SEPTIN1: variants seen among roughly 807,000 people sequenced by gnomAD.
The protein encoded by SEPTIN1 is septin-1.
A neutral mutation model predicts 50.7 loss-of-function variants in SEPTIN1; 52 were observed. The ratio of observed to expected loss-of-function variants is 1.03; its 90% CI spans 0.82 to 1.29. The LOEUF (loss-of-function observed/expected upper bound fraction) is 1.29. SEPTIN1 is among the 50% of genes most tolerant of loss of function. The pLI is 0.00. For missense variants in SEPTIN1, 455 were observed against 490.7 expected (o/e 0.93, Z 0.69); for synonymous variants, 204 against 189.1 (o/e 1.08, Z -0.65).
chr16:30,379,016 A>T lies in SEPTIN1; in HGVS notation c.941+2T>A. 1 of 1,612,434 alleles carries T rather than the reference A, an allele frequency of 6.2e-7. No homozygotes were observed. The highest frequency in any genetic ancestry group is 8.5e-7 in the Non-Finnish European group (1 of 1,179,534). ...TCTGATACTGTCCGCCCCGGGTCTC[A>T]CCTGCGGCTGGCTCGATCGCGAGCC... On this transcript the variant is annotated splice_donor_variant, in intron 9 of 10. Transcript: ENST00000321367. LOFTEE classifies it high-confidence loss of function.
chr16:30,379,609 C>T, intron 7 of SEPTIN1, 75 bp from the exon 8 acceptor site: 3 of 953,602 alleles, frequency 3.1e-6, no homozygotes, highest in South Asian at 1.3e-5. Context: ...TCAATCTCCA[C>T]ACCCGCCTCC....
At chr16:30,379,634 C>A in intron 7 of SEPTIN1, 100 bp from the exon 8 acceptor site, 1 of 510,110 alleles carries the variant, frequency 2.0e-6, no homozygotes, top group Non-Finnish European at 3.3e-6. Flanking sequence ...CTTCCTGCCC[C>A]TTCCTCTTTT....
chr16:30,378,401 C>A lies in SEPTIN1; in HGVS notation c.*33G>T. On this transcript the variant is annotated 3_prime_UTR_variant, in exon 11 of 11. Coordinates refer to ENST00000321367, the MANE Select transcript of SEPTIN1 (RefSeq NM_001365977.2). ...GATTGGACAAGAGGCCGACTGAAGG[C>A]GGAGCCGAGGTAAGGCCGGGCGGGG... The A allele has an allele frequency of 6.5e-7, 1 of 1,529,776 alleles. No individual in the cohort carries two copies. Among genetic ancestry groups the A allele is most frequent in the Non-Finnish European group, 8.7e-7 (1 of 1,148,186 alleles). The allele number at this position is 1,529,776 out of a possible 1,614,324, so 94.8% of individuals were successfully genotyped here. A position where few individuals can be genotyped will look rare whatever the true frequency, so the allele number is the denominator to read the frequency against.
intron 8 of SEPTIN1, 115 bp downstream of exon 8, chr16:30,379,320 T>A (rs1415311442): frequency 1.4e-6 from 2 of 1,432,972 alleles, no homozygotes; most frequent in Non-Finnish European, 1.9e-6. Context: ...GACCCCCCTT[T>A]CCTCCTAGGA....
upstream of SEPTIN1, chr16:30,382,662 G>A: frequency 6.5e-7 from 1 of 1,535,506 alleles, no homozygotes. The surrounding 1 kb of genome is among the most constrained non-coding windows in gnomAD (Gnocchi z 4.8). Context: ...CCAGAGAGGT[G>A]GGGAAGGCCA....
Position 30,381,825 on chromosome 16 carries a change from A to G in SEPTIN1, c.255T>C (p.Gly85=). 2 of 1,613,580 alleles carry G rather than the reference A, an allele frequency of 1.2e-6. No homozygotes were observed. Among genetic ancestry groups the G allele is most frequent in the Non-Finnish European group, 1.7e-6 (2 of 1,179,906 alleles). ...ERRGVEIEEG[G]VKVKLTLVDT... ...CCACAAGGGTCAGCTTCACTTTCACACCCCCTTCCTCAATCTCTACGCCCC... is the reference window on the plus strand; with the variant it reads ...CCACAAGGGTCAGCTTCACTTTCACGCCCCCTTCCTCAATCTCTACGCCCC... The change falls in exon 4 of 11, where the codon GGT becomes GGC. Residue 85 remains glycine, a synonymous_variant. Coordinates refer to ENST00000321367, the MANE Select transcript of SEPTIN1 (RefSeq NM_001365977.2). This position sits in a 1 kb window ranked among gnomAD's most constrained non-coding sequence, Gnocchi z 4.3.
rs78818037 is a variant in SEPTIN1 at position 30,382,242 on chromosome 16, C to T, written c.109+33G>A. On this transcript the variant is annotated intron_variant, in intron 2 of 10. Transcript: ENST00000321367. This position sits in a 1 kb window ranked among gnomAD's most constrained non-coding sequence, Gnocchi z 4.8. ...ACAGCCAGGGCCTCCTAAGGACATCCCCTCCGCAGTTCCCTCTCCAAAACC... is the reference window on the plus strand; with the variant it reads ...ACAGCCAGGGCCTCCTAAGGACATCTCCTCCGCAGTTCCCTCTCCAAAACC... The T allele has an allele frequency of 7.7e-3, 12,355 of 1,612,896 alleles. 861 individuals carry two copies. In the African/African-American group the frequency reaches 0.14, roughly 19 times the overall value.
rs778559457 is a variant in SEPTIN1 at position 30,379,924 on chromosome 16, T to C, written c.675+8A>G. ...GCCCGGCCTGCCTTCCTTCTTTGTT[T>C]CCCACACCTTCATCTCTGCATCCTG... On this transcript the variant is annotated splice_region_variant and intron_variant, in intron 7 of 10. Transcript: ENST00000321367. 6.8e-7 allele frequency: 1 copy of C among 1,466,754 alleles called. No individual in the cohort carries two copies. The highest frequency in any genetic ancestry group is 9.5e-7 in the Non-Finnish European group (1 of 1,048,830). 90.9% of individuals were successfully genotyped at this position (1,466,754 alleles called of 1,614,324 possible).
At position 30,381,569 on chromosome 16, in the gene SEPTIN1, G is replaced by T; in HGVS notation, c.321-96C>A. 6.5e-7 allele frequency: 1 copy of T among 1,531,160 alleles called. No homozygotes were observed. The highest frequency in any genetic ancestry group is 9.0e-7 in the Non-Finnish European group (1 of 1,115,862). 94.8% of individuals were successfully genotyped at this position (1,531,160 alleles called of 1,614,324 possible). A position where few individuals can be genotyped will look rare whatever the true frequency, so the allele number is the denominator to read the frequency against. On this transcript the variant is annotated intron_variant, in intron 4 of 10. Coordinates refer to ENST00000321367, the MANE Select transcript of SEPTIN1 (RefSeq NM_001365977.2). The surrounding 1 kb of genome is among the most constrained non-coding windows in gnomAD (Gnocchi z 4.3). The stretch of plus-strand genomic sequence containing the variant: ...TGTGGGAGTAGAATGTCATTTCTTT[G>T]GCTCCCTCCAAAGACATTAAGGGGA...
chr16:30,382,320 G>T lies in SEPTIN1; in HGVS notation c.64C>A (p.Arg22Ser). Residue 22 changes from arginine (R) to serine (S), a missense_variant, in exon 2 of 11, where the codon CGC (arginine) becomes AGC (serine). Physicochemically the swap from Arg to Ser is moderately radical, Grantham distance 110. Coordinates refer to ENST00000321367, the MANE Select transcript of SEPTIN1 (RefSeq NM_001365977.2). This position sits in a 1 kb window ranked among gnomAD's most constrained non-coding sequence, Gnocchi z 4.8. ...TCAAACCCCTTCTTGACAGACTTGC[G>T]GTGCAGCTGGTTGGGGAGGGCAGCA... ...GFAALPNQLH[R>S]KSVKKGFDFT... The T allele has an allele frequency of 6.2e-7, 1 of 1,613,814 alleles. No homozygotes were observed. The highest frequency in any genetic ancestry group is 1.1e-5 in the South Asian group (1 of 91,044).
At position 30,381,227 on chromosome 16, in the gene SEPTIN1, A is replaced by G; in HGVS notation, c.473T>C (p.Val158Ala). The change falls in exon 6 of 11, where the codon GTG (valine) becomes GCG (alanine). Residue 158 changes from valine to alanine, a missense_variant. Coordinates refer to ENST00000321367, the MANE Select transcript of SEPTIN1 (RefSeq NM_001365977.2). This position sits in a 1 kb window ranked among gnomAD's most constrained non-coding sequence, Gnocchi z 4.3. The part of the protein sequence containing the change: ...PFGRGLRPLD[V>A]AFLRAVHEKV... ...CTCGTGTACTGCCCGGAGGAAGGCC[A>G]CATCTAGGGGCCGGAGCCTGCACCC... 1 of 1,614,004 alleles carries G rather than the reference A, an allele frequency of 6.2e-7. No homozygotes were observed.
chr16:30,379,098 G>A lies in SEPTIN1; in HGVS notation c.861C>T (p.His287=). The A allele has an allele frequency of 6.2e-7, 1 of 1,614,084 alleles. No homozygotes were observed. The highest frequency in any genetic ancestry group is 8.5e-7 in the Non-Finnish European group (1 of 1,179,984). Residue 287 remains histidine (H), a synonymous_variant, in exon 9 of 11, where the codon CAC becomes CAT. Coordinates refer to ENST00000321367, the MANE Select transcript of SEPTIN1 (RefSeq NM_001365977.2). ...CCCGGTAGCCCTCGTAGAGCAGATC[G>A]TGCGTCACCTCTTTCAGGTCCTGCA... ...THLQDLKEVT[H]DLLYEGYRAR...
upstream of SEPTIN1, chr16:30,382,651 C>T (rs1357570931): frequency 1.8e-5 from 28 of 1,538,830 alleles, no homozygotes; most frequent in East Asian, 6.8e-4. This position sits in a 1 kb window ranked among gnomAD's most constrained non-coding sequence, Gnocchi z 4.8. Context: ...CTGGCCCAGT[C>T]CCAGAGAGGT....
chr16:30,378,934 G>C (rs1597002410), intron 9 of SEPTIN1, 84 bp downstream of exon 9: 1 of 1,386,794 alleles, frequency 7.2e-7, no homozygotes, highest in East Asian at 2.3e-5. Context: ...GCGGAGTCAC[G>C]GGTGGTGGGG....
At position 30,378,357 on chromosome 16, in the gene SEPTIN1, G is replaced by T; in HGVS notation, c.*77C>A. The stretch of plus-strand genomic sequence containing the variant: ...ACCCGCGGAGGTCCCGGGGGGCGCT[G>T]GGCAGTGTGGGGCGCGGGGATTGGA... On this transcript the variant is annotated 3_prime_UTR_variant, in exon 11 of 11. Transcript: ENST00000321367. The T allele has an allele frequency of 7.4e-7, 1 of 1,357,752 alleles. No homozygotes were observed. The highest frequency in any genetic ancestry group is 9.9e-7 in the Non-Finnish European group (1 of 1,013,044). 84.1% of individuals were successfully genotyped at this position (1,357,752 alleles called of 1,614,324 possible). A position where few individuals can be genotyped will look rare whatever the true frequency, so the allele number is the denominator to read the frequency against.
rs780363243 is a variant in SEPTIN1 at position 30,378,688 on chromosome 16, G to C, written c.954C>G (p.Arg318=). ...RDRASRSKLS[R]QSATEIPLPM... is the part of the protein sequence containing the mutation. The stretch of plus-strand genomic sequence containing the variant: ...GCAGCGGGATCTCTGTGGCGCTCTG[G>C]CGGGAAAGCTTACTGCGGGACAGTG... The change falls in exon 10 of 11, where the codon CGC becomes CGG. Residue 318 remains arginine, a synonymous_variant. Coordinates refer to ENST00000321367, the MANE Select transcript of SEPTIN1 (RefSeq NM_001365977.2). The C allele has an allele frequency of 3.7e-5, 59 of 1,608,238 alleles. No homozygotes were observed. The highest frequency in any genetic ancestry group is 4.9e-5 in the Non-Finnish European group (58 of 1,179,860).
Position 30,382,017 on chromosome 16 carries a change from A to C in SEPTIN1, c.196+76T>G, listed in dbSNP as rs1042858926. ...CAGAAAAAAAGCAGTCAACTACCTG[A>C]GTCCCCAGATGGAAAAGACTAGGGT... is the stretch of plus-strand genomic sequence containing the variant. On this transcript the variant is annotated intron_variant, in intron 3 of 10. Transcript: ENST00000321367. The surrounding 1 kb of genome is among the most constrained non-coding windows in gnomAD (Gnocchi z 4.8). 1.3e-6 allele frequency: 2 copies of C among 1,598,484 alleles called. No individual in the cohort carries two copies. The highest frequency in any genetic ancestry group is 1.7e-6 in the Non-Finnish European group (2 of 1,168,366).
chr16:30,378,171 T>C lies in SEPTIN1; in HGVS notation c.*263A>G. ...AGCTCAGTTTTTATTGAAGACAGAGTCTGGGAGAAGAAGGGGGACTCCGGA... is the reference window on the plus strand; with the variant it reads ...AGCTCAGTTTTTATTGAAGACAGAGCCTGGGAGAAGAAGGGGGACTCCGGA... On this transcript the variant is annotated 3_prime_UTR_variant, in exon 11 of 11. Coordinates refer to ENST00000321367, the MANE Select transcript of SEPTIN1 (RefSeq NM_001365977.2). The C allele has an allele frequency of 1.4e-6, 1 of 706,566 alleles. No individual in the cohort carries two copies. The highest frequency in any genetic ancestry group is 2.5e-6 in the Non-Finnish European group (1 of 393,214). The allele number at this position is 706,566 out of a possible 1,614,324, so 43.8% of individuals were successfully genotyped here.
In SEPTIN1 at chr16:30,381,281, G is replaced by GGCA. The variant is rs1567425357; in HGVS notation, c.456-40_456-38dup. 6.2e-7 allele frequency: 1 copy of GGCA among 1,612,574 alleles called. No homozygotes were observed. The highest frequency in any genetic ancestry group is 1.7e-5 in the Admixed American group (1 of 59,988). On this transcript the variant is annotated intron_variant, in intron 5 of 10. Transcript: ENST00000321367. This position sits in a 1 kb window ranked among gnomAD's most constrained non-coding sequence, Gnocchi z 4.3. ...GATTGGTCATTGCCCAGCCTCAGGG[G>GGCA]GCAGAGACCCCCCAGCCCTCCCTAA...
Sources: allele counts gnomAD v4.1 joint callset, GRCh38; gene constraint gnomAD v4.1.1; non-coding constraint Gnocchi (gnomAD v3.1); transcripts MANE v1.5; gene names NCBI Gene and HGNC (gene_info 2026-07-23, HGNC 2026-07-21).